TBC1D19: variants seen among roughly 807,000 people sequenced by gnomAD.
TBC1D19 encodes TBC1 domain family, member 19.
Under a neutral mutation model 89.0 loss-of-function variants are expected in TBC1D19, and 60 were observed. The observed-to-expected ratio is 0.67, with a 90% CI of 0.55 to 0.84. The LOEUF (loss-of-function observed/expected upper bound fraction) is 0.84. TBC1D19 is among the 40% of genes least tolerant of loss of function. TBC1D19 has a pLI of 0.00. For synonymous variants in TBC1D19, 189 were observed against 199.7 expected, an observed-to-expected ratio of 0.95 and a Z score of 0.45; for missense variants, 500 against 610.8, an observed-to-expected ratio of 0.82 and a Z score of 1.91.
intron 4 of TBC1D19, among the ~76,000 whole-genome samples, chr4:26,628,170 CAGGTTTGTCA>C (rs1401511523): frequency 6.6e-6 from 1 of 152,098 alleles, no homozygotes; most frequent in Non-Finnish European, 1.5e-5. Flanking sequence ...TTGTTTTTCT[CAGGTTTGTCA>C]AAGATCAGAT....
chr4:26,645,930 C>G (rs538319324), intron 7 of TBC1D19, among the ~76,000 whole-genome samples: 13 of 150,966 alleles, frequency 8.6e-5, no homozygotes, highest in African/African-American at 2.9e-4. Context: ...GAGACCATCC[C>G]GGCTAAAACG....
the TBC1D19 span, among the ~76,000 whole-genome samples, chr4:26,777,989 C>T: frequency 8.6e-5 from 13 of 150,578 alleles, no homozygotes; most frequent in African/African-American, 3.2e-4. Flanking sequence ...GGGGGGATTG[C>T]TTGAACCCAT....
the TBC1D19 span, among the ~76,000 whole-genome samples, chr4:26,835,264 G>T: frequency 1.3e-5 from 2 of 152,114 alleles, no homozygotes; most frequent in Non-Finnish European, 2.9e-5. Context: ...ATGAGCCAAG[G>T]AATGCAGGTA....
intron 6 of TBC1D19, among the ~76,000 whole-genome samples, chr4:26,639,502 A>G (rs754982562): frequency 4.4e-4 from 67 of 152,248 alleles, no homozygotes; most frequent in Admixed American, 2.2e-3. Flanking sequence ...AATAGGATAA[A>G]TAGTGAAAAA....
chr4:26,711,969 A>G (rs1296201769), intron 13 of TBC1D19, among the ~76,000 whole-genome samples: 2 of 152,026 alleles, frequency 1.3e-5, no homozygotes, highest in Non-Finnish European at 2.9e-5. Flanking sequence ...TTCTCCTTAG[A>G]GCAGTCTCAG....
chr4:26,729,067 T>C (rs1449098265), intron 15 of TBC1D19, among the ~76,000 whole-genome samples: 1 of 152,216 alleles, frequency 6.6e-6, no homozygotes, highest in Non-Finnish European at 1.5e-5. Context: ...TTATAGGTAC[T>C]GTTTTCTTCA....
the TBC1D19 span, among the ~76,000 whole-genome samples, chr4:26,763,018 A>G: frequency 6.6e-6 from 1 of 152,208 alleles, no homozygotes; most frequent in Non-Finnish European, 1.5e-5. Context: ...CAGCAATAAG[A>G]GATAATCTGT....
chr4:26,630,134 A>G (rs959417330), intron 4 of TBC1D19, among the ~76,000 whole-genome samples: 3 of 151,764 alleles, frequency 2.0e-5, no homozygotes, highest in African/African-American at 7.2e-5. Flanking sequence ...GTAATGCTAT[A>G]CTAATTTAAA....
At chr4:26,670,752 C>G (rs1712227685) in intron 9 of TBC1D19, among the ~76,000 whole-genome samples, 1 of 151,630 alleles carries the variant, frequency 6.6e-6, no homozygotes. Context: ...TGGGTAAAAA[C>G]TATTCTGCCT....
the TBC1D19 span, among the ~76,000 whole-genome samples, chr4:26,850,556 A>AAAAAAAAAAAAAAAAG: frequency 2.4e-5 from 3 of 124,112 alleles, no homozygotes; most frequent in African/African-American, 8.2e-5. Context: ...AAAAAAAAAA[A>AAAAAAAAAAAAAAAAG]AAAAAAGAAG....
At chr4:26,734,880 A>T (rs972174641) in intron 15 of TBC1D19, among the ~76,000 whole-genome samples, 1 of 131,400 alleles carries the variant, frequency 7.6e-6, no homozygotes, top group Non-Finnish European at 1.7e-5. Context: ...GTGTGTGTAT[A>T]TGTATACGTA....
chr4:26,769,177 T>G, the TBC1D19 span, among the ~76,000 whole-genome samples: 1 of 152,136 alleles, frequency 6.6e-6, no homozygotes, highest in Non-Finnish European at 1.5e-5. Context: ...CAATCTAGAA[T>G]TCTTTATCCA....
chr4:26,837,478 C>G, the TBC1D19 span, among the ~76,000 whole-genome samples: 1 of 152,150 alleles, frequency 6.6e-6, no homozygotes, highest in Non-Finnish European at 1.5e-5. Flanking sequence ...TAGGAGATGT[C>G]AGGAAGATAT....
chr4:26,659,518 T>G lies in TBC1D19; in HGVS notation c.481-79T>G, dbSNP rs1745083263. 3.5e-6 allele frequency: 3 copies of G among 860,044 alleles called. No individual in the cohort carries two copies. In the African/African-American group the frequency reaches 5.0e-5, roughly 14 times the overall value. 53.3% of individuals were successfully genotyped at this position (860,044 alleles called of 1,614,324 possible). ...AGTAATTAATTTTGTGGTGATACAC[T>G]AAGAATATCCCTGCTAATTTTATAA... is the stretch of plus-strand genomic sequence containing the variant. On this transcript the variant is annotated intron_variant, in intron 7 of 20. Coordinates refer to ENST00000264866, the MANE Select transcript of TBC1D19 (RefSeq NM_018317.4).
chr4:26,735,595 A>G (rs190723303), intron 16 of TBC1D19, 108 bp downstream of exon 16: 719 of 1,037,946 alleles, frequency 6.9e-4, no homozygotes, highest in Non-Finnish European at 8.8e-4. Context: ...TAGTAAAACA[A>G]TAAAGGAAAA....
chr4:26,712,063 C>T (rs1239441144), intron 13 of TBC1D19, among the ~76,000 whole-genome samples: 4 of 151,950 alleles, frequency 2.6e-5, no homozygotes, highest in Admixed American at 1.3e-4. Flanking sequence ...TGTGCTTCTA[C>T]GAGTCTGCTA....
downstream of TBC1D19, among the ~76,000 whole-genome samples, chr4:26,758,419 G>A (rs1578026349): frequency 1.3e-5 from 2 of 151,934 alleles, no homozygotes; most frequent in African/African-American, 4.8e-5. Flanking sequence ...TTTTTCTTTA[G>A]TGATCTACCC....
At chr4:26,777,601 C>T in the TBC1D19 span, among the ~76,000 whole-genome samples, 1 of 152,024 alleles carries the variant, frequency 6.6e-6, no homozygotes, top group Non-Finnish European at 1.5e-5. Flanking sequence ...GCGTGTACCA[C>T]CACAACTGGC....
chr4:26,799,173 T>TAC, the TBC1D19 span, among the ~76,000 whole-genome samples: 5 of 152,120 alleles, frequency 3.3e-5, no homozygotes, highest in African/African-American at 9.6e-5. Flanking sequence ...AGATACCCCA[T>TAC]CTCTACAAAA....
Sources: gnomAD v4.1 joint callset for allele counts (sites outside exome capture counted in the v4.1 genomes callset) on GRCh38, gnomAD v4.1.1 for gene constraint, MANE v1.5 for transcripts, NCBI Gene and HGNC (gene_info 2026-07-23, HGNC 2026-07-21) for gene names.